SLC2A13: variants seen among roughly 807,000 people sequenced by gnomAD.
SLC2A13 encodes proton myo-inositol cotransporter.
Under a neutral mutation model 64.4 loss-of-function variants are expected in SLC2A13, and 32 were observed. The ratio of observed to expected loss-of-function variants is 0.50; its 90% CI spans 0.37 to 0.67. The LOEUF (loss-of-function observed/expected upper bound fraction) is 0.67, where lower values mean the gene tolerates loss of function less well. Ranked by LOEUF, SLC2A13 falls within the 30% of genes least tolerant of loss-of-function variation. The pLI is 0.00. For missense variants in SLC2A13, 743 were observed against 829.2 expected (o/e 0.90, Z 1.28); for synonymous variants, 338 against 327.1 (o/e 1.03, Z -0.36).
intron 3 of SLC2A13, among the ~76,000 whole-genome samples, chr12:40,000,293 C>A (rs1294575540): frequency 1.3e-5 from 2 of 150,472 alleles, no homozygotes; most frequent in Non-Finnish European, 3.0e-5. Context: ...ATTAGCTCTA[C>A]ATTAAAAAAC....
intron 3 of SLC2A13, among the ~76,000 whole-genome samples, chr12:40,006,415 C>T (rs1947419218): frequency 6.6e-6 from 1 of 152,118 alleles, no homozygotes; most frequent in African/African-American, 2.4e-5. Context: ...TAATATGAAT[C>T]TCTATCAAAG....
At position 39,869,064 on chromosome 12, in the gene SLC2A13, A is replaced by T. The variant is rs541975406; in HGVS notation, c.1198+2734T>A. Among the ~76,000 whole-genome samples, 51 of 152,362 alleles carry T rather than the reference A, an allele frequency of 3.3e-4. 1 individual carries two copies. In the South Asian group the frequency reaches 0.01, roughly 31 times the overall value. ...GGTTAAAAATTCGAGGCTATAGCCA[A>T]TTTAAGAAATTTAACATAGAACCGT... On this transcript the variant is annotated intron_variant, in intron 5 of 9. Coordinates refer to ENST00000280871, the MANE Select transcript of SLC2A13 (RefSeq NM_052885.4).
At position 39,822,853 on chromosome 12, in the gene SLC2A13, TAAC is replaced by T. The variant is rs1942562860; in HGVS notation, c.1445+7247_1445+7249del. On this transcript the variant is annotated intron_variant, in intron 7 of 9. Coordinates refer to ENST00000280871, the MANE Select transcript of SLC2A13 (RefSeq NM_052885.4). ...AATATCGCTACTTGGATAAAACTGTTAACAAGTGTTTATTTATTATTACAATTA... is the reference window on the plus strand; with the variant it reads ...AATATCGCTACTTGGATAAAACTGTTAAGTGTTTATTTATTATTACAATTA... Among the ~76,000 whole-genome samples, 3 of 152,362 alleles carry T rather than the reference TAAC, an allele frequency of 2.0e-5. No homozygotes were observed. In the South Asian group the frequency reaches 6.2e-4, roughly 32 times the overall value.
intron 3 of SLC2A13, among the ~76,000 whole-genome samples, chr12:40,025,783 AC>A (rs1354134972): frequency 1.3e-5 from 2 of 152,136 alleles, no homozygotes; most frequent in Admixed American, 1.3e-4. Flanking sequence ...CCATTCCCTA[AC>A]CCTTCAACAC....
chr12:39,976,479 T>C (rs1385343374), intron 3 of SLC2A13, among the ~76,000 whole-genome samples: 1 of 152,254 alleles, frequency 6.6e-6, no homozygotes, highest in Non-Finnish European at 1.5e-5. Context: ...AATTCCACGA[T>C]TCATTTGAAA....
chr12:39,996,562 G>T (rs1947233837), intron 3 of SLC2A13, among the ~76,000 whole-genome samples: 1 of 152,218 alleles, frequency 6.6e-6, no homozygotes, highest in South Asian at 2.1e-4. Flanking sequence ...AACAGGCCTA[G>T]AAGGAAAAAG....
At chr12:40,000,096 C>G (rs1947298596) in intron 3 of SLC2A13, among the ~76,000 whole-genome samples, 1 of 152,276 alleles carries the variant, frequency 6.6e-6, no homozygotes, top group Non-Finnish European at 1.5e-5. Context: ...AATGGGAGCT[C>G]CCCTGCACAA....
chr12:39,968,806 A>ATATATATATATC (rs1565567393), intron 3 of SLC2A13, among the ~76,000 whole-genome samples: 1 of 105,552 alleles, frequency 9.5e-6, no homozygotes, highest in Non-Finnish European at 1.9e-5. Flanking sequence ...ATATATATAT[A>ATATATATATATC]TCTACATTAT....
Position 39,982,795 on chromosome 12 carries a change from A to G in SLC2A13, c.926-31430T>C, listed in dbSNP as rs1206860286. Among the ~76,000 whole-genome samples the G allele has an allele frequency of 6.2e-3, 917 of 147,036 alleles. 5 individuals carry two copies. Among genetic ancestry groups the G allele is most frequent in the Non-Finnish European group, 0.011 (715 of 66,390 alleles). On this transcript the variant is annotated intron_variant, in intron 3 of 9. Transcript: ENST00000280871. ...TCAGTGCCATCCCCATCAAGCTACC[A>G]ATGACTTTCTTCACAGAATTGGAAA...
rs78744098 is a variant in SLC2A13 at position 40,056,635 on chromosome 12, C to G, written c.557-8425G>C. Among the ~76,000 whole-genome samples, 546 of 152,188 alleles carry G rather than the reference C, an allele frequency of 3.6e-3. 3 individuals are homozygous for G. The highest frequency in any genetic ancestry group is 6.0e-3 in the Non-Finnish European group (409 of 68,012). ...CTAAGAACAACAGTGTGGCCTAAAT[C>G]AGAGCTAAAAGGACGTGAATCACCT... is the stretch of plus-strand genomic sequence containing the variant. On this transcript the variant is annotated intron_variant, in intron 1 of 9. Transcript: ENST00000280871.
At chr12:39,904,429 A>C (rs975401517) in intron 4 of SLC2A13, among the ~76,000 whole-genome samples, 12 of 152,144 alleles carry the variant, frequency 7.9e-5, no homozygotes, top group Non-Finnish European at 1.8e-4. Flanking sequence ...AAACCTTGTG[A>C]GCAGGTCTTT....
chr12:39,770,455 G>T (rs1940521448), intron 7 of SLC2A13, among the ~76,000 whole-genome samples: 1 of 152,052 alleles, frequency 6.6e-6, no homozygotes, highest in Non-Finnish European at 1.5e-5. Flanking sequence ...TATATAATGA[G>T]CACTTTTTAT....
chr12:39,988,304 T>C (rs1011756715), intron 3 of SLC2A13, among the ~76,000 whole-genome samples: 1 of 152,132 alleles, frequency 6.6e-6, no homozygotes, highest in Non-Finnish European at 1.5e-5. Context: ...ATTGGTATTA[T>C]CAATATTCTA....
At chr12:39,984,618 A>T (rs1946994696) in intron 3 of SLC2A13, among the ~76,000 whole-genome samples, 2 of 152,278 alleles carry the variant, frequency 1.3e-5, no homozygotes, top group South Asian at 4.1e-4. Flanking sequence ...CAGTGAATAT[A>T]TTCCATTCAT....
At chr12:39,763,630 G>A (rs1176080550) in intron 9 of SLC2A13, among the ~76,000 whole-genome samples, 1 of 151,998 alleles carries the variant, frequency 6.6e-6, no homozygotes, top group East Asian at 1.9e-4. Flanking sequence ...AGAGATTGCG[G>A]GGAGATGAGA....
intron 2 of SLC2A13, among the ~76,000 whole-genome samples, chr12:40,038,796 G>A (rs1007360490): frequency 7.4e-6 from 1 of 134,998 alleles, no homozygotes; most frequent in East Asian, 2.2e-4. Context: ...GAAAAGGAAA[G>A]GAAAAGGGAA....
intron 7 of SLC2A13, among the ~76,000 whole-genome samples, chr12:39,771,174 G>A (rs908716886): frequency 5.3e-5 from 8 of 152,094 alleles, no homozygotes; most frequent in African/African-American, 1.7e-4. Flanking sequence ...CTGCCTCTGC[G>A]GGAGAGAGAC....
chr12:39,803,906 A>G (rs576183319), intron 7 of SLC2A13, among the ~76,000 whole-genome samples: 1 of 152,312 alleles, frequency 6.6e-6, no homozygotes, highest in East Asian at 1.9e-4. Context: ...TCCCAAGATA[A>G]ATAAAATTAC....
intron 4 of SLC2A13, among the ~76,000 whole-genome samples, chr12:39,892,078 C>CA (rs1311760704): frequency 6.6e-6 from 1 of 152,132 alleles, no homozygotes; most frequent in Non-Finnish European, 1.5e-5. Context: ...TAAAAGTTTG[C>CA]AAATTACCAA....
Sources: allele counts gnomAD v4.1 joint callset (sites outside exome capture counted in the v4.1 genomes callset), GRCh38; gene constraint gnomAD v4.1.1; transcripts MANE v1.5; gene names NCBI Gene and HGNC (gene_info 2026-07-23, HGNC 2026-07-21).